The following ROBO1 variants were observed in gnomAD, a reference collection of about 807,000 sequenced individuals.
ROBO1 encodes roundabout homolog 1.
Under a neutral mutation model 195.9 loss-of-function variants are expected in ROBO1, and 149 were observed. The observed-to-expected ratio is 0.76, with a 90% CI of 0.67 to 0.87. The LOEUF is 0.87. ROBO1 is among the 40% of genes least tolerant of loss of function. The pLI is 0.00. For synonymous variants in ROBO1, 816 were observed against 733.2 expected (o/e 1.11, Z -1.82); for missense variants, 1,933 against 2,068.3 (o/e 0.93, Z 1.27).
chr3:78,982,399 G>A (rs2077016226), intron 3 of ROBO1, among the ~76,000 whole-genome samples: 1 of 152,000 alleles, frequency 6.6e-6, no homozygotes, highest in Admixed American at 6.6e-5. Context: ...AGAGGACAGG[G>A]GAAGTGTTCC....
intron 2 of ROBO1, among the ~76,000 whole-genome samples, chr3:79,443,877 C>A (rs1355140413): frequency 2.0e-5 from 3 of 150,340 alleles, no homozygotes; most frequent in African/African-American, 4.9e-5. Flanking sequence ...GGGAAAAAAA[C>A]AAAGCATATA....
intron 2 of ROBO1, among the ~76,000 whole-genome samples, chr3:79,484,785 C>G (rs1029032294): frequency 1.3e-4 from 1 of 7,888 alleles, no homozygotes; most frequent in Non-Finnish European, 3.2e-4. Context: ...GACAGAGTCT[C>G]GCTCTGTCAC....
At position 79,492,617 on chromosome 3, in the gene ROBO1, G is replaced by A. The variant is rs772204093; in HGVS notation, c.88+97207C>T. On this transcript the variant is annotated intron_variant, in intron 2 of 30. Transcript: ENST00000464233. ...ATTATGGGAATACTATAAAAATGGC[G>A]TTAGCTCAAAGCCAAAGAAATAACC... 8.0e-4 allele frequency among the ~76,000 whole-genome samples: 121 copies of A among 151,908 alleles called. 3 individuals carry two copies. Among genetic ancestry groups the A allele is most frequent in the Admixed American group, 3.4e-3 (52 of 15,228 alleles).
At position 78,962,659 on chromosome 3, in the gene ROBO1, A is replaced by G. The variant is rs181521823; in HGVS notation, c.173-23732T>C. Among the ~76,000 whole-genome samples the G allele has an allele frequency of 4.7e-3, 715 of 152,012 alleles. 3 individuals are homozygous for G. The highest frequency in any genetic ancestry group is 0.017 in the African/African-American group (692 of 41,460). ...GCTAACACGGTGAAACCCCGTCTCT[A>G]CTAAAAATACAAAAAATTAGCCAGG... On this transcript the variant is annotated intron_variant, in intron 3 of 30. Transcript: ENST00000464233.
At chr3:79,449,727 T>C (rs992915762) in intron 2 of ROBO1, among the ~76,000 whole-genome samples, 2 of 152,174 alleles carry the variant, frequency 1.3e-5, no homozygotes, top group Non-Finnish European at 2.9e-5. Flanking sequence ...AATATCTAAA[T>C]AGTTAATACA....
chr3:79,756,004 C>T (rs1023731528), intron 1 of ROBO1, among the ~76,000 whole-genome samples: 4 of 152,204 alleles, frequency 2.6e-5, no homozygotes, highest in African/African-American at 9.6e-5. Context: ...CATTCCAAAA[C>T]TTCCATCATA....
At chr3:79,732,817 G>A (rs747670263) in intron 1 of ROBO1, among the ~76,000 whole-genome samples, 1 of 152,004 alleles carries the variant, frequency 6.6e-6, no homozygotes, top group Non-Finnish European at 1.5e-5. Flanking sequence ...TATCCTGGGC[G>A]TTTTTTATAC....
At chr3:78,834,942 A>G (rs2032573670) in intron 4 of ROBO1, among the ~76,000 whole-genome samples, 1 of 152,206 alleles carries the variant, frequency 6.6e-6, no homozygotes, top group African/African-American at 2.4e-5. Flanking sequence ...ATATAATGAC[A>G]TGAAATTAAA....
chr3:79,316,490 G>A (rs2033742680), intron 2 of ROBO1, among the ~76,000 whole-genome samples: 1 of 152,102 alleles, frequency 6.6e-6, no homozygotes, highest in Admixed American at 6.6e-5. Context: ...TTAATTATAG[G>A]AGAGTCATTC....
chr3:78,684,629 G>C (rs1211567120), intron 10 of ROBO1, among the ~76,000 whole-genome samples: 1 of 152,054 alleles, frequency 6.6e-6, no homozygotes, highest in Non-Finnish European at 1.5e-5. Context: ...GGAATTAGTA[G>C]GCTGTTACAA....
At chr3:79,625,472 A>G (rs1411734798) in intron 1 of ROBO1, among the ~76,000 whole-genome samples, 2 of 149,360 alleles carry the variant, frequency 1.3e-5, no homozygotes, top group Admixed American at 1.3e-4. Flanking sequence ...CTAGACTAGT[A>G]AAAAAGAAAA....
At chr3:79,342,346 A>AC in intron 2 of ROBO1, among the ~76,000 whole-genome samples, 1 of 152,162 alleles carries the variant, frequency 6.6e-6, no homozygotes, top group Admixed American at 6.6e-5. Context: ...AGTTATTGTA[A>AC]CCCCTGTGTG....
At chr3:79,020,370 G>A (rs78549617) in intron 3 of ROBO1, among the ~76,000 whole-genome samples, 19 of 152,318 alleles carry the variant, frequency 1.2e-4, no homozygotes, top group Non-Finnish European at 2.8e-4. Flanking sequence ...CATTCATTGA[G>A]TCAGTCATTT....
intron 3 of ROBO1, among the ~76,000 whole-genome samples, chr3:78,998,197 C>T (rs1207428313): frequency 1.3e-5 from 2 of 152,140 alleles, no homozygotes; most frequent in African/African-American, 4.8e-5. Context: ...GATAATGCAG[C>T]TAATACGACT....
chr3:79,385,339 C>CT (rs917425096), intron 2 of ROBO1, among the ~76,000 whole-genome samples: 5 of 151,982 alleles, frequency 3.3e-5, no homozygotes, highest in Admixed American at 6.6e-5. Context: ...TTGAAAATAG[C>CT]TTTTTTTAGG....
intron 5 of ROBO1, among the ~76,000 whole-genome samples, chr3:78,725,001 T>C (rs2082129773): frequency 6.6e-6 from 1 of 152,210 alleles, no homozygotes; most frequent in African/African-American, 2.4e-5. Context: ...AACACTGAAC[T>C]GCTGGAGCAC....
intron 4 of ROBO1, among the ~76,000 whole-genome samples, chr3:78,902,254 G>C (rs2107479035): frequency 6.6e-6 from 1 of 152,260 alleles, no homozygotes; most frequent in Admixed American, 6.5e-5. Flanking sequence ...TAAAGCAGAG[G>C]TGTTTTTAGT....
intron 2 of ROBO1, among the ~76,000 whole-genome samples, chr3:79,412,117 T>A (rs915492400): frequency 6.6e-6 from 1 of 152,170 alleles, no homozygotes; most frequent in Non-Finnish European, 1.5e-5. Flanking sequence ...GCCAATCCTG[T>A]CATTTTATTC....
intron 3 of ROBO1, among the ~76,000 whole-genome samples, chr3:78,982,137 G>A (rs1361825628): frequency 2.0e-5 from 3 of 152,064 alleles, no homozygotes; most frequent in Admixed American, 1.3e-4. Context: ...CAAGAGCTCT[G>A]AGGACATTTG....
Sources: allele counts gnomAD v4.1 joint callset (sites outside exome capture counted in the v4.1 genomes callset), GRCh38; gene constraint gnomAD v4.1.1; transcripts MANE v1.5; gene names NCBI Gene and HGNC (gene_info 2026-07-23, HGNC 2026-07-21).